The following SNX27 variants were observed in gnomAD, a reference collection of about 807,000 sequenced individuals.
The protein encoded by SNX27 is sorting nexin-27.
In SNX27, 22 loss-of-function variants were observed where a neutral mutation model predicts 71.6. The observed-to-expected ratio is 0.31, with a 90% CI of 0.22 to 0.44. The LOEUF (loss-of-function observed/expected upper bound fraction) is 0.44, where lower values mean the gene tolerates loss of function less well. Ranked by LOEUF, SNX27 falls within the 20% of genes least tolerant of loss-of-function variation. The probability of loss-of-function intolerance (pLI) is 1.00; values close to 1 mark genes in which losing one functional copy is unlikely to be tolerated. For missense variants in SNX27, 531 were observed against 698.6 expected (o/e 0.76, Z 2.70); for synonymous variants, 269 against 277.2 (o/e 0.97, Z 0.29).
chr1:151,692,007 G>A (rs555721858), intron 8 of SNX27, among the ~76,000 whole-genome samples: 7 of 152,168 alleles, frequency 4.6e-5, no homozygotes, highest in South Asian at 4.2e-4. Context: ...CAAGACCAGC[G>A]TGCGTAACAT....
intron 8 of SNX27, among the ~76,000 whole-genome samples, chr1:151,689,703 G>T (rs1214551677): frequency 2.6e-5 from 4 of 152,202 alleles, no homozygotes; most frequent in African/African-American, 9.7e-5. Flanking sequence ...ATTTACAGAG[G>T]TGTTAAGTGT....
At position 151,693,432 on chromosome 1, in the gene SNX27, C is replaced by T; in HGVS notation, c.1527C>T (p.Tyr509=). 1.2e-6 allele frequency: 2 copies of T among 1,614,114 alleles called. No individual in the cohort carries two copies. The highest frequency in any genetic ancestry group is 1.7e-6 in the Non-Finnish European group (2 of 1,180,010). Residue 509 remains tyrosine (Y), a synonymous_variant, in exon 11 of 12, where the codon TAC becomes TAT. Transcript: ENST00000458013. ...WVKIFTPYFN[Y]MHECFERVFC... is the part of the protein sequence containing the mutation. ...ACCACCTTTTTTTTCAGTTCAATTA[C>T]ATGCATGAGTGCTTCGAGAGGGTGT...
rs1435995623 is a variant in SNX27, at chr1:151,612,895, G to A, written c.311+383G>A. Among the ~76,000 whole-genome samples the A allele has an allele frequency of 6.6e-6, 1 of 151,898 alleles. No individual in the cohort carries two copies. On this transcript the variant is annotated intron_variant, in intron 1 of 11. Transcript: ENST00000458013. The surrounding 1 kb of genome is among the most constrained non-coding windows in gnomAD (Gnocchi z 5.2). ...ATCTGCTCCTTACTGACGGCGTTTC[G>A]TTTTCTGATCCAGCCAGTACCGTGT...
chr1:151,670,116 C>T (rs1050079470), intron 7 of SNX27, among the ~76,000 whole-genome samples: 4 of 152,102 alleles, frequency 2.6e-5, no homozygotes, highest in Admixed American at 2.0e-4. Flanking sequence ...TTGATTTTTA[C>T]AGTCCACAAA....
chr1:151,618,054 G>C (rs1008639487), intron 1 of SNX27, among the ~76,000 whole-genome samples: 1 of 147,988 alleles, frequency 6.8e-6, no homozygotes, highest in Non-Finnish European at 1.5e-5. Context: ...TTTTTGTAGA[G>C]ATGGGGTTGC....
At chr1:151,693,322 C>A in intron 10 of SNX27, 102 bp from the exon 11 acceptor site, 2 of 1,222,162 alleles carry the variant, frequency 1.6e-6, no homozygotes, top group Non-Finnish European at 2.4e-6. Flanking sequence ...TTTCTCTAGA[C>A]TGAGTTTGGA....
chr1:151,655,244 A>C (rs1238852228), intron 2 of SNX27, among the ~76,000 whole-genome samples: 3 of 152,118 alleles, frequency 2.0e-5, no homozygotes, highest in African/African-American at 4.8e-5. Context: ...TTCCTAAAGC[A>C]TGGTCTTTTT....
chr1:151,690,192 A>G (rs1408054678), intron 8 of SNX27, among the ~76,000 whole-genome samples: 1 of 152,192 alleles, frequency 6.6e-6, no homozygotes, highest in Non-Finnish European at 1.5e-5. Context: ...GAAAAATACA[A>G]TTAATCCCCT....
At chr1:151,690,528 A>G (rs1164877948) in intron 8 of SNX27, among the ~76,000 whole-genome samples, 1 of 152,052 alleles carries the variant, frequency 6.6e-6, no homozygotes, top group African/African-American at 2.4e-5. Flanking sequence ...TGGTTCCATC[A>G]TAGCCTTGAC....
At chr1:151,637,130 G>A (rs1316098164) in intron 1 of SNX27, among the ~76,000 whole-genome samples, 1 of 149,098 alleles carries the variant, frequency 6.7e-6, no homozygotes, top group African/African-American at 2.5e-5. Flanking sequence ...TTACCATGCT[G>A]GTATATGATC....
chr1:151,655,396 C>G (rs1468016241), intron 2 of SNX27, among the ~76,000 whole-genome samples: 1 of 152,134 alleles, frequency 6.6e-6, no homozygotes, highest in Non-Finnish European at 1.5e-5. Context: ...TTCCTTAGAT[C>G]GTTATTCAGT....
chr1:151,629,413 GA>G (rs1384280129), intron 1 of SNX27: 1 of 151,160 alleles, frequency 6.6e-6, no homozygotes, highest in Non-Finnish European at 1.5e-5. Flanking sequence ...GTAAATTTGT[GA>G]AGTGTTCCAT....
At chr1:151,675,966 A>G (rs1436142799) in intron 7 of SNX27, 3 of 150,286 alleles carry the variant, frequency 2.0e-5, no homozygotes, top group African/African-American at 7.3e-5. Context: ...AGCTAGAACT[A>G]CAGGTGCTCA....
At chr1:151,642,311 C>G (rs969460350) in intron 2 of SNX27, among the ~76,000 whole-genome samples, 5 of 151,300 alleles carry the variant, frequency 3.3e-5, no homozygotes, top group Non-Finnish European at 7.4e-5. Context: ...CACTTGAACC[C>G]GGGAGGCTGA....
intron 2 of SNX27, among the ~76,000 whole-genome samples, chr1:151,645,219 A>T (rs1668980714): frequency 6.6e-6 from 1 of 152,150 alleles, no homozygotes; most frequent in African/African-American, 2.4e-5. Context: ...AAATCAATTG[A>T]CTATGTGTGG....
At chr1:151,690,492 G>T (rs773073381) in intron 8 of SNX27, among the ~76,000 whole-genome samples, 3 of 151,748 alleles carry the variant, frequency 2.0e-5, no homozygotes, top group Non-Finnish European at 4.4e-5. Flanking sequence ...TTGCAGTGGT[G>T]CAGTCTCAGC....
chr1:151,638,719 T>G, intron 1 of SNX27, 169 bp from the exon 2 acceptor site: 2 of 651,264 alleles, frequency 3.1e-6, no homozygotes, highest in East Asian at 5.5e-5. Context: ...TCACAAAGTT[T>G]TTCACATTAG....
chr1:151,657,798 C>T (rs1446815147), intron 2 of SNX27, among the ~76,000 whole-genome samples: 2 of 152,016 alleles, frequency 1.3e-5, no homozygotes, highest in Non-Finnish European at 2.9e-5. Context: ...GTCAAGAGGT[C>T]GAGACCAGCC....
chr1:151,689,462 C>T (rs1372107469), intron 8 of SNX27, among the ~76,000 whole-genome samples: 1 of 152,204 alleles, frequency 6.6e-6, no homozygotes, highest in Non-Finnish European at 1.5e-5. Flanking sequence ...CAGAGCTCCA[C>T]GCTTCTTCTG....
Sources: allele counts gnomAD v4.1 joint callset (sites outside exome capture counted in the v4.1 genomes callset), GRCh38; gene constraint gnomAD v4.1.1; non-coding constraint Gnocchi (gnomAD v3.1); transcripts MANE v1.5; gene names NCBI Gene and HGNC (gene_info 2026-07-23, HGNC 2026-07-21).